The following DARS1 variants were observed in gnomAD, a reference collection of about 807,000 sequenced individuals.
DARS1 encodes aspartate--tRNA ligase, cytoplasmic.
DARS1 carries 51 observed loss-of-function variants against 68.8 expected under a neutral mutation model. That is an observed-to-expected ratio of 0.74 (90% confidence interval 0.59 to 0.94). DARS1 has a LOEUF of 0.94. DARS1 is among the 40% of genes least tolerant of loss of function. The probability of loss-of-function intolerance (pLI) is 0.00; values close to 1 mark genes in which losing one functional copy is unlikely to be tolerated. For missense variants in DARS1, 607 were observed against 597.3 expected (o/e 1.02, Z -0.17); for synonymous variants, 203 against 190.4 (o/e 1.07, Z -0.55).
At chr2:135,912,795 G>GT (rs572806159) in intron 12 of DARS1, among the ~76,000 whole-genome samples, 1 of 147,752 alleles carries the variant, frequency 6.8e-6, no homozygotes, top group Non-Finnish European at 1.5e-5. Flanking sequence ...ATTATCCATA[G>GT]TTTTTAAATT....
Position 135,964,579 on chromosome 2 carries a change from G to A in DARS1, c.218-3081C>T, listed in dbSNP as rs748742716. On this transcript the variant is annotated intron_variant, in intron 3 of 15. Coordinates refer to ENST00000264161, the MANE Select transcript of DARS1 (RefSeq NM_001349.4). ...GTGAAGGCCAGTCATGTTGGCTCAC[G>A]CCTGTAATCCCAGCACTCTGGGAGG... is the stretch of plus-strand genomic sequence containing the variant. Among the ~76,000 whole-genome samples the A allele has an allele frequency of 7.5e-4, 114 of 152,082 alleles. 3 individuals carry two copies. Among genetic ancestry groups the A allele is most frequent in the Non-Finnish European group, 2.4e-4 (16 of 68,006 alleles).
intron 4 of DARS1, among the ~76,000 whole-genome samples, chr2:135,959,618 TC>T (rs1457266073): frequency 1.3e-5 from 2 of 152,010 alleles, no homozygotes; most frequent in Non-Finnish European, 2.9e-5. Context: ...TTTAGTCAAG[TC>T]CCAGGAGTTT....
At chr2:135,932,019 T>C (rs1681364043) in intron 7 of DARS1, among the ~76,000 whole-genome samples, 1 of 152,178 alleles carries the variant, frequency 6.6e-6, no homozygotes, top group African/African-American at 2.4e-5. Flanking sequence ...AAGAGGACTT[T>C]GGATTACTGC....
chr2:135,928,512 T>C (rs1189424541), intron 7 of DARS1, among the ~76,000 whole-genome samples: 2 of 149,312 alleles, frequency 1.3e-5, no homozygotes, highest in East Asian at 2.0e-4. Context: ...GCCTGGCTAA[T>C]TTTTTTTGTA....
chr2:135,955,818 G>C (rs1419540791), intron 4 of DARS1, among the ~76,000 whole-genome samples: 1 of 151,104 alleles, frequency 6.6e-6, no homozygotes, highest in African/African-American at 2.4e-5. Context: ...ACCATGCCTG[G>C]CTAATTATTC....
intron 7 of DARS1, among the ~76,000 whole-genome samples, chr2:135,931,320 T>A (rs1309422660): frequency 2.0e-5 from 3 of 152,184 alleles, no homozygotes; most frequent in East Asian, 1.9e-4. Context: ...CACTGCAGAC[T>A]CAACCTCCTG....
At chr2:135,960,134 C>T (rs533928771) in intron 4 of DARS1, among the ~76,000 whole-genome samples, 5 of 152,102 alleles carry the variant, frequency 3.3e-5, no homozygotes, top group South Asian at 4.1e-4. Context: ...AACCAGGAGA[C>T]GAAACAAGCA....
At chr2:135,980,911 A>G (rs1276327454) in intron 2 of DARS1, among the ~76,000 whole-genome samples, 1 of 152,178 alleles carries the variant, frequency 6.6e-6, no homozygotes, top group Non-Finnish European at 1.5e-5. Context: ...TCAACCTTTA[A>G]TACACCCGAA....
chr2:135,926,151 A>G (rs1001650100), intron 7 of DARS1, among the ~76,000 whole-genome samples: 2 of 152,214 alleles, frequency 1.3e-5, no homozygotes, highest in Admixed American at 6.5e-5. Context: ...ACGGCCTCCC[A>G]AAGTGCTGGG....
intron 4 of DARS1, among the ~76,000 whole-genome samples, chr2:135,947,725 A>C (rs1681756726): frequency 6.6e-6 from 1 of 152,084 alleles, no homozygotes; most frequent in Non-Finnish European, 1.5e-5. Flanking sequence ...ATTAGAACTA[A>C]ATTTAAATAT....
In DARS1 at chr2:135,920,464, T is replaced by C. The variant is rs1361871664; in HGVS notation, c.948A>G (p.Gly316=). 1.2e-6 allele frequency: 2 copies of C among 1,612,572 alleles called. No individual in the cohort carries two copies. Among genetic ancestry groups the C allele is most frequent in the Admixed American group, 3.3e-5 (2 of 59,766 alleles). ...AAAATACTTTTTACCTTTCTTGAAG[T>C]CCTTTGAATATTTGTACCATGGTGT... ...IADTMVQIFK[G]LQERFQTEIQ... Residue 316 remains glycine (G), a synonymous_variant, in exon 10 of 16, where the codon GGA becomes GGG. Transcript: ENST00000264161.
intron 15 of DARS1, among the ~76,000 whole-genome samples, chr2:135,909,424 G>A (rs902319417): frequency 1.3e-5 from 2 of 152,200 alleles, no homozygotes; most frequent in African/African-American, 4.8e-5. Flanking sequence ...CTGATACACT[G>A]TGAAATGATT....
At position 135,911,181 on chromosome 2, in the gene DARS1, A is replaced by T; in HGVS notation, c.1372T>A (p.Ser458Thr). 1 of 1,548,670 alleles carries T rather than the reference A, an allele frequency of 6.5e-7. No homozygotes were observed. ...TGAGGAGGGGCTCCAAAGCGGAAGG[A>T]ATCAATGTAAGCCTTAATTTTCTCC... ...DLEKIKAYID[S>T]FRFGAPPHAG... The change falls in exon 15 of 16, where the codon TCC becomes ACC. Residue 458 changes from serine to threonine, a missense_variant. Ser to Thr is a moderately conservative substitution (Grantham distance 58). Coordinates refer to ENST00000264161, the MANE Select transcript of DARS1 (RefSeq NM_001349.4).
At chr2:135,948,005 T>A (rs1229820288) in intron 4 of DARS1, among the ~76,000 whole-genome samples, 1 of 152,214 alleles carries the variant, frequency 6.6e-6, no homozygotes, top group African/African-American at 2.4e-5. Context: ...TTCATATTGT[T>A]TTATACAAAG....
chr2:135,924,741 T>C (rs947662108), intron 7 of DARS1, among the ~76,000 whole-genome samples: 4 of 152,182 alleles, frequency 2.6e-5, no homozygotes, highest in Admixed American at 6.5e-5. Context: ...GATGTTTTAA[T>C]TTGTAGGAAT....
chr2:135,913,912 T>G (rs145922274), intron 12 of DARS1, among the ~76,000 whole-genome samples: 3 of 152,204 alleles, frequency 2.0e-5, no homozygotes, highest in African/African-American at 7.2e-5. Context: ...TTCAGAAATA[T>G]CAGTTCTCTA....
intron 3 of DARS1, 25 bp from the exon 4 acceptor site, chr2:135,961,523 A>C (rs757316784): frequency 1.9e-6 from 2 of 1,077,326 alleles, no homozygotes; most frequent in Non-Finnish European, 2.9e-6. Context: ...AAGAACACAA[A>C]TGTATTAAGG....
intron 15 of DARS1, chr2:135,910,902 A>G: frequency 2.4e-6 from 1 of 421,832 alleles, no homozygotes; most frequent in Non-Finnish European, 4.4e-6. Context: ...ACAGCAGCAG[A>G]GAGAAAACAG....
intron 3 of DARS1, among the ~76,000 whole-genome samples, chr2:135,963,789 C>T (rs959803766): frequency 2.0e-4 from 31 of 152,040 alleles, no homozygotes. Context: ...AAGCAATTCT[C>T]CTGTCTCAGC....
Sources: allele counts gnomAD v4.1 joint callset (sites outside exome capture counted in the v4.1 genomes callset), GRCh38; gene constraint gnomAD v4.1.1; transcripts MANE v1.5; gene names NCBI Gene and HGNC (gene_info 2026-07-23, HGNC 2026-07-21).